The following TENM3 variants were observed in gnomAD, a reference collection of about 807,000 sequenced individuals.
TENM3 encodes teneurin transmembrane protein 3.
A neutral mutation model predicts 255.1 loss-of-function variants in TENM3; 63 were observed. That is an observed-to-expected ratio of 0.25 (90% CI 0.20 to 0.30). The LOEUF (loss-of-function observed/expected upper bound fraction) is 0.30, where lower values mean the gene tolerates loss of function less well. Among genes scored for constraint, TENM3 ranks in the 10% least tolerant of loss-of-function variants. The pLI, the probability that TENM3 is intolerant of heterozygous loss-of-function variation, is 1.00. For synonymous variants in TENM3, 1,306 were observed against 1,322.3 expected, an observed-to-expected ratio of 0.99 and a Z score of 0.27; for missense variants, 2,929 against 3,461.1, an observed-to-expected ratio of 0.85 and a Z score of 3.86.
At chr4:181,865,454 T>C in the TENM3 span, among the ~76,000 whole-genome samples, 1 of 152,202 alleles carries the variant, frequency 6.6e-6, no homozygotes, top group Non-Finnish European at 1.5e-5. Flanking sequence ...GAGTTGGGTT[T>C]AGACACCTTC....
chr4:181,499,055 T>A, the TENM3 span, among the ~76,000 whole-genome samples: 2 of 152,194 alleles, frequency 1.3e-5, no homozygotes, highest in Non-Finnish European at 2.9e-5. Context: ...CCGAATTCAG[T>A]TTTTAATGCT....
At chr4:182,727,467 A>AAAAAAAG (rs1760304769) in intron 13 of TENM3, among the ~76,000 whole-genome samples, 1 of 152,006 alleles carries the variant, frequency 6.6e-6, no homozygotes, top group South Asian at 2.1e-4. Flanking sequence ...AAAAAAAAGA[A>AAAAAAAG]AGAAAAATTC....
At chr4:182,487,081 G>A (rs187855668) in intron 3 of TENM3, among the ~76,000 whole-genome samples, 12 of 152,226 alleles carry the variant, frequency 7.9e-5, no homozygotes, top group South Asian at 4.2e-4. Context: ...GCTCCACAGC[G>A]GACATTTCCT....
the TENM3 span, among the ~76,000 whole-genome samples, chr4:181,479,483 A>G: frequency 2.6e-5 from 4 of 152,188 alleles, no homozygotes; most frequent in Admixed American, 2.0e-4. Context: ...TCACTTTATT[A>G]AAATCATTTA....
chr4:181,945,086 CT>C, the TENM3 span, among the ~76,000 whole-genome samples: 1 of 149,724 alleles, frequency 6.7e-6, no homozygotes, highest in African/African-American at 2.5e-5. Flanking sequence ...GAAACTACCA[CT>C]TCACTTCCGG....
intron 1 of TENM3, among the ~76,000 whole-genome samples, chr4:182,187,261 C>A (rs2149770692): frequency 6.6e-6 from 1 of 152,164 alleles, no homozygotes; most frequent in East Asian, 1.9e-4. Context: ...CATTCTAGTT[C>A]TTTTCTTAAA....
chr4:182,440,931 G>C (rs766473522), intron 3 of TENM3, among the ~76,000 whole-genome samples: 2 of 151,992 alleles, frequency 1.3e-5, no homozygotes, highest in Non-Finnish European at 2.9e-5. Context: ...CATCACCCAG[G>C]TATTAAGCCC....
At chr4:181,448,864 CATACTT>C in the TENM3 span, among the ~76,000 whole-genome samples, 1 of 152,080 alleles carries the variant, frequency 6.6e-6, no homozygotes, top group African/African-American at 2.4e-5. Flanking sequence ...TTTTTCTAAA[CATACTT>C]ATAATTTTAT....
At chr4:181,515,460 G>T in the TENM3 span, among the ~76,000 whole-genome samples, 1 of 152,010 alleles carries the variant, frequency 6.6e-6, no homozygotes, top group Non-Finnish European at 1.5e-5. Flanking sequence ...ACCCAGGAAA[G>T]GCCTATCTTT....
At chr4:181,856,088 AAGG>A in the TENM3 span, among the ~76,000 whole-genome samples, 15 of 136,308 alleles carry the variant, frequency 1.1e-4, no homozygotes, top group Non-Finnish European at 1.9e-4. Context: ...GGAAGGAAGG[AAGG>A]AAAGGGAAAG....
At chr4:182,450,714 G>C (rs896678569) in intron 3 of TENM3, among the ~76,000 whole-genome samples, 17 of 152,188 alleles carry the variant, frequency 1.1e-4, no homozygotes, top group African/African-American at 3.9e-4. Context: ...AAAATTGGCT[G>C]TGAAAGACTG....
chr4:182,075,027 T>C, the TENM3 span, among the ~76,000 whole-genome samples: 2 of 152,226 alleles, frequency 1.3e-5, no homozygotes, highest in African/African-American at 4.8e-5. Flanking sequence ...CGGTTACAGA[T>C]GGCCAGAGTG....
chr4:181,493,545 T>G, the TENM3 span, among the ~76,000 whole-genome samples: 1 of 151,812 alleles, frequency 6.6e-6, no homozygotes, highest in African/African-American at 2.4e-5. Flanking sequence ...CTGACCAACA[T>G]GGTGAAACCC....
intron 3 of TENM3, among the ~76,000 whole-genome samples, chr4:182,540,571 T>C (rs1676893951): frequency 6.6e-6 from 1 of 151,478 alleles, no homozygotes; most frequent in African/African-American, 2.4e-5. Flanking sequence ...TGGAGAAGAG[T>C]GAAACTCCAT....
intron 1 of TENM3, among the ~76,000 whole-genome samples, chr4:182,280,721 C>T (rs1350777730): frequency 5.3e-5 from 8 of 152,110 alleles, no homozygotes; most frequent in Non-Finnish European, 1.2e-4. Context: ...ACAAACCTGG[C>T]GGGTCAATTG....
At chr4:181,986,555 TC>T in the TENM3 span, among the ~76,000 whole-genome samples, 6 of 151,998 alleles carry the variant, frequency 3.9e-5, no homozygotes, top group Non-Finnish European at 8.8e-5. Context: ...TCTCCATGAC[TC>T]CCCCTTCAAT....
At chr4:182,113,003 C>G in the TENM3 span, among the ~76,000 whole-genome samples, 1 of 152,148 alleles carries the variant, frequency 6.6e-6, no homozygotes, top group African/African-American at 2.4e-5. Context: ...CTTATTGGCC[C>G]TCCTCATCTG....
chr4:182,417,267 A>C (rs983018265), intron 3 of TENM3, among the ~76,000 whole-genome samples: 7 of 152,078 alleles, frequency 4.6e-5, no homozygotes, highest in South Asian at 4.2e-4. Context: ...TGAGCCACCG[A>C]GCCCGGCCTC....
the TENM3 span, among the ~76,000 whole-genome samples, chr4:181,899,812 C>A: frequency 6.6e-6 from 1 of 152,086 alleles, no homozygotes; most frequent in African/African-American, 2.4e-5. Context: ...GTGATCCTCC[C>A]GCCTCAGCCT....
Sources: allele counts gnomAD v4.1 joint callset (sites outside exome capture counted in the v4.1 genomes callset), GRCh38; gene constraint gnomAD v4.1.1; transcripts MANE v1.5; gene names NCBI Gene and HGNC (gene_info 2026-07-23, HGNC 2026-07-21).